The following TNR variants were observed in gnomAD, a reference collection of about 807,000 sequenced individuals.
TNR encodes the protein tenascin-R.
In TNR, 45 loss-of-function variants were observed where a neutral mutation model predicts 150.4. The ratio of observed to expected loss-of-function variants is 0.30; its 90% CI spans 0.24 to 0.38. The LOEUF is 0.38. TNR is among the 10% of genes least tolerant of loss of function. TNR has a pLI of 1.00. For missense variants in TNR, 1,544 were observed against 1,759.1 expected, an observed-to-expected ratio of 0.88 and a Z score of 2.19; for synonymous variants, 687 against 678.4, an observed-to-expected ratio of 1.01 and a Z score of -0.20.
intron 2 of TNR, among the ~76,000 whole-genome samples, chr1:175,515,987 A>G (rs142065788): frequency 0.014 from 2,136 of 152,316 alleles, 54 homozygotes; most frequent in African/African-American, 0.048. Flanking sequence ...TTAAGCTCCA[A>G]AAGAATTTGT....
chr1:175,386,290 G>A lies in TNR; in HGVS notation c.1519C>T (p.Pro507Ser). The A allele has an allele frequency of 6.4e-7, 1 of 1,565,690 alleles. No individual in the cohort carries two copies. Among genetic ancestry groups the A allele is most frequent in the Non-Finnish European group, 8.7e-7 (1 of 1,149,988 alleles). Residue 507 changes from proline (P) to serine (S), a missense_variant, in exon 8 of 23, where the codon CCC becomes TCC. By Grantham distance (74) the Pro-to-Ser change is moderately conservative. Coordinates refer to ENST00000367674, the MANE Select transcript of TNR (RefSeq NM_003285.3). ...SASVSTVIDG[P>S]TQILVRDVSD... is the part of the protein sequence containing the mutation. Reference sequence around the variant, plus strand: ...ACATCGCGAACCAGGATCTGCGTGGGGCCGTCAATGACTGAGTGAGAAGGA... The same window carrying A: ...ACATCGCGAACCAGGATCTGCGTGGAGCCGTCAATGACTGAGTGAGAAGGA...
chr1:175,726,150 G>A (rs1237002979), intron 1 of TNR, among the ~76,000 whole-genome samples: 1 of 152,100 alleles, frequency 6.6e-6, no homozygotes, highest in Non-Finnish European at 1.5e-5. Context: ...TAGTGCTATT[G>A]GGTATGCTAA....
At chr1:175,349,054 T>C (rs894026579) in intron 18 of TNR, among the ~76,000 whole-genome samples, 2 of 152,192 alleles carry the variant, frequency 1.3e-5, no homozygotes, top group African/African-American at 2.4e-5. Context: ...ATTATCTCTA[T>C]GAGATTATCA....
intron 20 of TNR, among the ~76,000 whole-genome samples, chr1:175,331,529 C>T (rs999097355): frequency 2.0e-5 from 3 of 152,140 alleles, no homozygotes; most frequent in Admixed American, 1.3e-4. Flanking sequence ...TCTCAAAGTG[C>T]TGGGATTACA....
rs1655731862 is a variant in TNR, at chr1:175,440,457, A to G, written c.-63-33680T>C. Among the ~76,000 whole-genome samples the G allele has an allele frequency of 1.3e-5, 2 of 152,012 alleles. 1 individual carries two copies. The highest frequency in any genetic ancestry group is 1.3e-4 in the Admixed American group (2 of 15,238). On this transcript the variant is annotated intron_variant, in intron 2 of 22. Coordinates refer to ENST00000367674, the MANE Select transcript of TNR (RefSeq NM_003285.3). ...GAGTTAATGGGTGCAGCACACCAAC[A>G]TGGCACATGTATATACATATGTAAC...
chr1:175,585,777 C>T (rs1350355069), intron 1 of TNR, among the ~76,000 whole-genome samples: 1 of 152,190 alleles, frequency 6.6e-6, no homozygotes, highest in Non-Finnish European at 1.5e-5. Context: ...CCTTCCTTCT[C>T]TCTTTCTCCC....
intron 1 of TNR, among the ~76,000 whole-genome samples, chr1:175,742,074 G>A (rs1329648203): frequency 2.6e-5 from 4 of 152,184 alleles, no homozygotes; most frequent in African/African-American, 9.6e-5. Flanking sequence ...ACTCAACCAG[G>A]TAGGTGTGGC....
At chr1:175,426,771 A>ATATATATATACAGGTGTGTGTGTATATAT (rs67513172) in intron 2 of TNR, among the ~76,000 whole-genome samples, 1 of 132,482 alleles carries the variant, frequency 7.5e-6, no homozygotes, top group Non-Finnish European at 1.6e-5. Context: ...TGTGTGTATA[A>ATATATATATACAGGTGTGTGTGTATATAT]ATATATATAC....
At chr1:175,326,159 G>C (rs1293081751) in intron 21 of TNR, among the ~76,000 whole-genome samples, 1 of 152,082 alleles carries the variant, frequency 6.6e-6, no homozygotes, top group African/African-American at 2.4e-5. Flanking sequence ...TTCTCTTTTG[G>C]GGATATTGTG....
intron 2 of TNR, among the ~76,000 whole-genome samples, chr1:175,423,442 C>T (rs985512576): frequency 4.6e-5 from 7 of 152,182 alleles, no homozygotes; most frequent in African/African-American, 1.7e-4. Flanking sequence ...TCTTCTTGAC[C>T]CAGGGTATAG....
At chr1:175,663,841 A>T (rs1390975421) in intron 1 of TNR, among the ~76,000 whole-genome samples, 2 of 152,242 alleles carry the variant, frequency 1.3e-5, no homozygotes, top group African/African-American at 2.4e-5. Context: ...CAAGGGCATC[A>T]TATCACCCAA....
At position 175,354,260 on chromosome 1, in the gene TNR, G is replaced by C. The variant is rs909722115; in HGVS notation, c.3382+131C>G. Reference sequence around the variant, plus strand: ...AGGTTTCCTGGTAGGGGCTTGGACAGGGGAAAAGAAGGAGGAGGCAACTGA... The same window carrying C: ...AGGTTTCCTGGTAGGGGCTTGGACACGGGAAAAGAAGGAGGAGGCAACTGA... On this transcript the variant is annotated intron_variant, in intron 18 of 22. Transcript: ENST00000367674. 10 of 1,251,470 alleles carry C rather than the reference G, an allele frequency of 8.0e-6. No homozygotes were observed. In the African/African-American group the frequency reaches 1.4e-4, roughly 17 times the overall value. 77.5% of individuals were successfully genotyped at this position (1,251,470 alleles called of 1,614,324 possible).
At chr1:175,561,149 T>A (rs1384518457) in intron 1 of TNR, among the ~76,000 whole-genome samples, 1 of 152,210 alleles carries the variant, frequency 6.6e-6, no homozygotes, top group East Asian at 1.9e-4. Context: ...GGCACTATTT[T>A]TACAGGCTTA....
intron 1 of TNR, among the ~76,000 whole-genome samples, chr1:175,692,008 T>G (rs1465861285): frequency 1.3e-5 from 2 of 152,212 alleles, no homozygotes; most frequent in Non-Finnish European, 2.9e-5. Context: ...ATTTTCATTC[T>G]TAATTAAGTT....
chr1:175,655,509 T>C (rs566683949), intron 1 of TNR, among the ~76,000 whole-genome samples: 1 of 152,352 alleles, frequency 6.6e-6, no homozygotes, highest in African/African-American at 2.4e-5. Flanking sequence ...GTGGGACTCC[T>C]CACTCCATTC....
chr1:175,551,909 G>A (rs1347239372), intron 1 of TNR, among the ~76,000 whole-genome samples: 1 of 152,046 alleles, frequency 6.6e-6, no homozygotes, highest in African/African-American at 2.4e-5. Context: ...GTGGAGGGAG[G>A]GTTGTAAGGG....
At chr1:175,630,247 G>C (rs1430088371) in intron 1 of TNR, among the ~76,000 whole-genome samples, 1 of 152,218 alleles carries the variant, frequency 6.6e-6, no homozygotes, top group Non-Finnish European at 1.5e-5. Context: ...CTGCTTTAGA[G>C]AGAAGAGCCT....
At chr1:175,427,427 T>C (rs1020437798) in intron 2 of TNR, among the ~76,000 whole-genome samples, 4 of 152,176 alleles carry the variant, frequency 2.6e-5, no homozygotes, top group African/African-American at 9.7e-5. Context: ...GAGTGATGTA[T>C]GTTGCTTTTT....
intron 2 of TNR, 112 bp from the exon 3 acceptor site, chr1:175,406,889 G>A: frequency 4.0e-6 from 3 of 755,954 alleles, no homozygotes; most frequent in African/African-American, 3.5e-5. Context: ...TTCAAGGGGG[G>A]GGCGTCAGGA....
Sources: allele counts gnomAD v4.1 joint callset (sites outside exome capture counted in the v4.1 genomes callset), GRCh38; gene constraint gnomAD v4.1.1; transcripts MANE v1.5; gene names NCBI Gene and HGNC (gene_info 2026-07-23, HGNC 2026-07-21).